MRTFA: variants seen among roughly 807,000 people sequenced by gnomAD.
MRTFA encodes the protein myocardin-related transcription factor A.
In MRTFA, 20 loss-of-function variants were observed where a neutral mutation model predicts 83.5. The observed-to-expected ratio is 0.24, with a 90% CI of 0.17 to 0.35. The LOEUF (loss-of-function observed/expected upper bound fraction) is 0.35, where lower values mean the gene tolerates loss of function less well. Ranked by LOEUF, MRTFA falls within the 10% of genes least tolerant of loss-of-function variation. MRTFA has a pLI of 1.00. For missense variants in MRTFA, 1,200 were observed against 1,224.7 expected, an observed-to-expected ratio of 0.98 and a Z score of 0.30; for synonymous variants, 659 against 541.2, an observed-to-expected ratio of 1.22 and a Z score of -3.02.
At chr22:40,508,595 C>T (rs117789792) in intron 3 of MRTFA, among the ~76,000 whole-genome samples, 1 of 145,422 alleles carries the variant, frequency 6.9e-6, no homozygotes, top group East Asian at 2.2e-4. Context: ...TCTGTTCATA[C>T]TGAAATCTTT....
At chr22:40,588,154 G>A (rs1694429261) in intron 2 of MRTFA, among the ~76,000 whole-genome samples, 3 of 151,508 alleles carry the variant, frequency 2.0e-5, no homozygotes, top group South Asian at 4.2e-4. Context: ...TCAGCCTCCT[G>A]AGTAGCTAGG....
chr22:40,439,972 C>T (rs758928237), intron 4 of MRTFA: 1 of 162,690 alleles, frequency 6.1e-6, no homozygotes, highest in Admixed American at 6.1e-5. Context: ...GCCAACATGA[C>T]GAAAGCCCGT....
intron 4 of MRTFA, among the ~76,000 whole-genome samples, chr22:40,459,830 C>CACATATAT (rs71296624): frequency 2.3e-5 from 2 of 86,952 alleles, no homozygotes; most frequent in East Asian, 3.2e-4. Flanking sequence ...CACATATATA[C>CACATATAT]ATATATATAT....
At chr22:40,598,383 C>T (rs2056217319) in intron 1 of MRTFA, among the ~76,000 whole-genome samples, 1 of 152,122 alleles carries the variant, frequency 6.6e-6, no homozygotes, top group African/African-American at 2.4e-5. Context: ...TTATCTTAAT[C>T]TTTTATCAGC....
intron 2 of MRTFA, among the ~76,000 whole-genome samples, chr22:40,574,300 C>T (rs577583842): frequency 3.3e-5 from 5 of 152,096 alleles, no homozygotes; most frequent in South Asian, 2.1e-4. Flanking sequence ...CAACCAACCA[C>T]GGATTGAAAA....
In MRTFA at chr22:40,556,044, T is replaced by C. The variant is rs181415873; in HGVS notation, c.-21-3677A>G. Among the ~76,000 whole-genome samples, 28 of 152,260 alleles carry C rather than the reference T, an allele frequency of 1.8e-4. No homozygotes were observed. The East Asian group carries it at 5.2e-3, about 28-fold the overall frequency. On this transcript the variant is annotated intron_variant, in intron 2 of 14. Coordinates refer to ENST00000355630, the MANE Select transcript of MRTFA (RefSeq NM_020831.6). ...AACTACATACTCATATATTAAAATATTATACAAAGAAAAAAGATTTTAAGA... is the reference window on the plus strand; with the variant it reads ...AACTACATACTCATATATTAAAATACTATACAAAGAAAAAAGATTTTAAGA...
chr22:40,586,897 C>CTGCTGGTGCTGCTGG, intron 2 of MRTFA: 1 of 433,212 alleles, frequency 2.3e-6, no homozygotes, highest in Non-Finnish European at 4.7e-6. Context: ...GCTGCTGGTG[C>CTGCTGGTGCTGCTGG]TGCTGGTGCT....
At chr22:40,510,420 T>C (rs2054649193) in intron 3 of MRTFA, among the ~76,000 whole-genome samples, 1 of 152,074 alleles carries the variant, frequency 6.6e-6, no homozygotes, top group Non-Finnish European at 1.5e-5. Context: ...TCTGGCCACC[T>C]GCAGATAAAT....
chr22:40,539,882 G>T (rs922454993), intron 3 of MRTFA, among the ~76,000 whole-genome samples: 2 of 150,732 alleles, frequency 1.3e-5, no homozygotes, highest in Non-Finnish European at 3.0e-5. Context: ...TTAAACAATC[G>T]GTGTTCAAAT....
At chr22:40,593,206 C>A (rs2056146234) in intron 2 of MRTFA, among the ~76,000 whole-genome samples, 1 of 152,186 alleles carries the variant, frequency 6.6e-6, no homozygotes, top group African/African-American at 2.4e-5. Context: ...TATAATTATT[C>A]TTTCCTTCTC....
intron 3 of MRTFA, among the ~76,000 whole-genome samples, chr22:40,463,741 G>A (rs1169576302): frequency 3.9e-5 from 6 of 152,170 alleles, no homozygotes; most frequent in Non-Finnish European, 8.8e-5. Flanking sequence ...AGTACTATTT[G>A]TAAACTCTTT....
intron 3 of MRTFA, among the ~76,000 whole-genome samples, chr22:40,492,345 T>G (rs2054285730): frequency 6.6e-6 from 1 of 151,844 alleles, no homozygotes; most frequent in African/African-American, 2.4e-5. Context: ...AAGGTCAGAA[T>G]CAGTAACTCT....
At chr22:40,508,664 G>A (rs925610947) in intron 3 of MRTFA, among the ~76,000 whole-genome samples, 15 of 151,526 alleles carry the variant, frequency 9.9e-5, no homozygotes, top group African/African-American at 3.6e-4. Context: ...AAGAATGTTA[G>A]TAATATGTTC....
intron 2 of MRTFA, chr22:40,587,036 C>T: frequency 2.1e-6 from 1 of 475,992 alleles, no homozygotes; most frequent in East Asian, 6.4e-5. Flanking sequence ...ATGGGTTTAG[C>T]TTCAACATGA....
intron 3 of MRTFA, among the ~76,000 whole-genome samples, chr22:40,498,433 G>A (rs1469492764): frequency 1.3e-5 from 2 of 149,814 alleles, no homozygotes; most frequent in Non-Finnish European, 3.0e-5. Context: ...TAAGGTACAA[G>A]CTACCATGCC....
intron 3 of MRTFA, among the ~76,000 whole-genome samples, chr22:40,531,413 G>A (rs2055080291): frequency 6.6e-6 from 1 of 151,750 alleles, no homozygotes; most frequent in African/African-American, 2.4e-5. Flanking sequence ...TAACATACAT[G>A]AACATGTCTC....
chr22:40,635,127 C>T (rs552670602), intron 1 of MRTFA, among the ~76,000 whole-genome samples: 10 of 152,242 alleles, frequency 6.6e-5, no homozygotes, highest in Admixed American at 1.3e-4. Context: ...CCCTTTGGTT[C>T]GCTATGAAAA....
chr22:40,500,546 C>G (rs1351771751), intron 3 of MRTFA, among the ~76,000 whole-genome samples: 3 of 149,958 alleles, frequency 2.0e-5, no homozygotes, highest in African/African-American at 7.3e-5. Flanking sequence ...TGCAGCCTTC[C>G]GCAGTGTTTG....
chr22:40,536,063 G>A (rs1037761651), intron 3 of MRTFA, among the ~76,000 whole-genome samples: 1 of 151,880 alleles, frequency 6.6e-6, no homozygotes, highest in East Asian at 1.9e-4. Flanking sequence ...AGGCCAAACG[G>A]GAGGGTGGGT....
Sources: gnomAD v4.1 joint callset for allele counts (sites outside exome capture counted in the v4.1 genomes callset) on GRCh38, gnomAD v4.1.1 for gene constraint, MANE v1.5 for transcripts, NCBI Gene and HGNC (gene_info 2026-07-23, HGNC 2026-07-21) for gene names.